Variants in MYCBP2 observed in about 807,000 individuals in gnomAD.
The protein encoded by MYCBP2 is MYC binding protein 2.
A neutral mutation model predicts 525.3 loss-of-function variants in MYCBP2; 120 were observed. The observed-to-expected ratio is 0.23, with a 90% CI of 0.20 to 0.27. The LOEUF (loss-of-function observed/expected upper bound fraction) is 0.27, where lower values mean the gene tolerates loss of function less well. Among genes scored for constraint, MYCBP2 ranks in the 10% least tolerant of loss-of-function variants. The pLI is 1.00. For missense variants in MYCBP2, 4,149 were observed against 5,657.1 expected (o/e 0.73, Z 8.55); for synonymous variants, 1,894 against 1,955.8 (o/e 0.97, Z 0.83).
At position 77,263,634 on chromosome 13, in the gene MYCBP2, T is replaced by C. The variant is rs755005580; in HGVS notation, c.1570+17A>G. On this transcript the variant is annotated intron_variant, in intron 10 of 82. Coordinates refer to ENST00000544440, the MANE Select transcript of MYCBP2 (RefSeq NM_015057.5). ...GAAAATTAAAATATAGGGAAAACAC[T>C]TAATTTGCTATCTTACTTATAATAT... The C allele has an allele frequency of 6.2e-7, 1 of 1,601,306 alleles. No individual in the cohort carries two copies. The highest frequency in any genetic ancestry group is 1.1e-5 in the South Asian group (1 of 88,952).
At chr13:77,065,941 T>C in intron 72 of MYCBP2, 51 bp downstream of exon 72, 1 of 1,356,564 alleles carries the variant, frequency 7.4e-7, no homozygotes, top group South Asian at 1.2e-5. Flanking sequence ...AGCTGTTTTG[T>C]GTCAGCTTCC....
intron 58 of MYCBP2, among the ~76,000 whole-genome samples, chr13:77,094,430 T>G (rs1421439249): frequency 6.6e-6 from 1 of 152,180 alleles, no homozygotes; most frequent in Non-Finnish European, 1.5e-5. Flanking sequence ...CACAGTGATT[T>G]TTTAATTGCA....
chr13:77,060,241 C>A (rs2039020800), intron 76 of MYCBP2, among the ~76,000 whole-genome samples: 1 of 152,056 alleles, frequency 6.6e-6, no homozygotes, highest in Non-Finnish European at 1.5e-5. Context: ...ATATAAAAAT[C>A]TAACTATAAT....
Position 77,261,182 on chromosome 13 carries a change from T to C in MYCBP2, c.1841A>G (p.Asp614Gly). The change falls in exon 12 of 83, where the codon GAT (aspartate) becomes GGT (glycine). Residue 614 changes from aspartate (D) to glycine (G), a missense_variant. Asp to Gly is a moderately conservative substitution (Grantham distance 94, BLOSUM62 -1). This residue lies in a region of MYCBP2 where 262 missense variants were observed against 419.3 expected (regional missense o/e 0.62). Transcript: ENST00000544440. ...ATCACTCAACTTACTTGATTCTCCA[T>C]CTTCTCCTTTACTAGCAGATCCTGT... ...FFTGSASKGEDGESTKSRRQS... is the reference protein window; with the variant it reads ...FFTGSASKGEGGESTKSRRQS... 1 of 1,612,202 alleles carries C rather than the reference T, an allele frequency of 6.2e-7. No homozygotes were observed. The highest frequency in any genetic ancestry group is 8.5e-7 in the Non-Finnish European group (1 of 1,178,786).
chr13:77,255,224 T>C (rs2071964890), intron 14 of MYCBP2, among the ~76,000 whole-genome samples: 1 of 151,938 alleles, frequency 6.6e-6, no homozygotes, highest in Admixed American at 6.6e-5. Context: ...AATTTACATT[T>C]CCACTAGCCA....
At chr13:77,200,515 A>G (rs866875982) in intron 26 of MYCBP2, among the ~76,000 whole-genome samples, 10 of 152,218 alleles carry the variant, frequency 6.6e-5, no homozygotes, top group Middle Eastern at 3.4e-3. Context: ...AGGCAGGCCA[A>G]CATTCAGATT....
In MYCBP2 at chr13:77,185,297, A is replaced by C; in HGVS notation, c.4525T>G (p.Leu1509Val). The C allele has an allele frequency of 6.2e-7, 1 of 1,614,044 alleles. No individual in the cohort carries two copies. Among genetic ancestry groups the C allele is most frequent in the Non-Finnish European group, 8.5e-7 (1 of 1,180,010 alleles). Residue 1509 changes from leucine to valine, a missense_variant, in exon 32 of 83, where the codon TTA (leucine) becomes GTA (valine). Coordinates refer to ENST00000544440, the MANE Select transcript of MYCBP2 (RefSeq NM_015057.5). ...GKTRTLLRKI[L>V]SEGVDHCMVK... ...ATGCAGTGATCAACTCCTTCTGATA[A>C]AATTTTTCTTAACAAAGTTCTGGTT...
intron 73 of MYCBP2, among the ~76,000 whole-genome samples, chr13:77,063,887 T>C (rs1020881773): frequency 3.3e-5 from 5 of 152,208 alleles, no homozygotes; most frequent in Admixed American, 6.5e-5. Context: ...CAGTCAATAA[T>C]AGCAAGATAG....
chr13:77,063,268 C>T (rs1459426525), intron 73 of MYCBP2, among the ~76,000 whole-genome samples: 1 of 152,028 alleles, frequency 6.6e-6, no homozygotes, highest in East Asian at 1.9e-4. Flanking sequence ...AACTGTTCTC[C>T]AAAATAGGGC....
At chr13:77,324,225 G>C (rs897090381) in intron 1 of MYCBP2, among the ~76,000 whole-genome samples, 1 of 152,082 alleles carries the variant, frequency 6.6e-6, no homozygotes, top group East Asian at 1.9e-4. Flanking sequence ...CACTCTCCTA[G>C]AGCCACAGAG....
chr13:77,067,081 T>C (rs73239442), intron 71 of MYCBP2, among the ~76,000 whole-genome samples: 3,395 of 152,282 alleles, frequency 0.022, 58 homozygotes, highest in Middle Eastern at 0.074. Context: ...TTCATTTTTA[T>C]ATAGTCAAAT....
At chr13:77,184,306 G>C (rs1183732295) in intron 32 of MYCBP2, among the ~76,000 whole-genome samples, 1 of 152,106 alleles carries the variant, frequency 6.6e-6, no homozygotes, top group Non-Finnish European at 1.5e-5. Context: ...GATATCCTTT[G>C]CTATTGATTT....
chr13:77,259,242 G>A (rs1481295712), intron 13 of MYCBP2, among the ~76,000 whole-genome samples: 1 of 152,008 alleles, frequency 6.6e-6, no homozygotes, highest in Non-Finnish European at 1.5e-5. Context: ...TCCAGCCTGG[G>A]AGACAGAGTG....
intron 71 of MYCBP2, among the ~76,000 whole-genome samples, chr13:77,066,699 CA>C (rs1231110128): frequency 6.6e-6 from 1 of 152,078 alleles, no homozygotes; most frequent in Non-Finnish European, 1.5e-5. Flanking sequence ...AACAGATATC[CA>C]AAAAGGCTGC....
At chr13:77,055,992 A>G (rs576868228) in intron 79 of MYCBP2, among the ~76,000 whole-genome samples, 2 of 152,216 alleles carry the variant, frequency 1.3e-5, no homozygotes, top group South Asian at 4.1e-4. Flanking sequence ...TGAAAATTCC[A>G]TTTTATTAGC....
intron 55 of MYCBP2, among the ~76,000 whole-genome samples, chr13:77,106,148 C>G (rs770845886): frequency 2.0e-5 from 3 of 152,120 alleles, no homozygotes; most frequent in Non-Finnish European, 4.4e-5. Flanking sequence ...CCTGTCAACA[C>G]CTGGTGGCAG....
chr13:77,247,170 C>T lies in MYCBP2; in HGVS notation c.2382-3219G>A, dbSNP rs116325290. 4.8e-3 allele frequency among the ~76,000 whole-genome samples: 725 copies of T among 152,222 alleles called. 4 individuals are homozygous for T. Among genetic ancestry groups the T allele is most frequent in the African/African-American group, 0.016 (684 of 41,518 alleles). ...AGCAGAAAGGAAGAAGTAAAATTAT[C>T]TATGTTCACAGATAATACAATCTCA... On this transcript the variant is annotated intron_variant, in intron 15 of 82. Coordinates refer to ENST00000544440, the MANE Select transcript of MYCBP2 (RefSeq NM_015057.5).
At chr13:77,251,687 A>G (rs2071231081) in intron 14 of MYCBP2, among the ~76,000 whole-genome samples, 1 of 152,030 alleles carries the variant, frequency 6.6e-6, no homozygotes, top group African/African-American at 2.4e-5. Context: ...CCTCCCAACC[A>G]TGCTCCAAGC....
At chr13:77,093,424 T>C (rs912147299) in intron 58 of MYCBP2, 92 bp from the exon 59 acceptor site, 6 of 1,111,200 alleles carry the variant, frequency 5.4e-6, no homozygotes, top group Non-Finnish European at 7.7e-6. Context: ...AAGCAGCACA[T>C]GTAAATCATA....
Sources: gnomAD v4.1 joint callset for allele counts (sites outside exome capture counted in the v4.1 genomes callset) on GRCh38, gnomAD v4.1.1 for gene constraint, gnomAD v4.1.1 regional missense constraint, MANE v1.5 for transcripts, NCBI Gene and HGNC (gene_info 2026-07-23, HGNC 2026-07-21) for gene names.